Variants in KCNQ1 observed in about 807,000 individuals in gnomAD.
The protein encoded by KCNQ1 is potassium voltage-gated channel subfamily Q member 1, also known as potassium voltage-gated channel subfamily KQT member 1.
Under a neutral mutation model 72.4 loss-of-function variants are expected in KCNQ1, and 49 were observed. The ratio of observed to expected loss-of-function variants is 0.68; its 90% CI spans 0.54 to 0.86. The LOEUF is 0.86. Ranked by LOEUF, KCNQ1 falls within the 40% of genes least tolerant of loss-of-function variation. The probability of loss-of-function intolerance (pLI) is 0.00; values close to 1 mark genes in which losing one functional copy is unlikely to be tolerated. For synonymous variants in KCNQ1, 450 were observed against 412.6 expected (o/e 1.09, Z -1.10); for missense variants, 790 against 945.1 (o/e 0.84, Z 2.15).
chr11:2,470,613 G>A (rs551376126), intron 1 of KCNQ1, among the ~76,000 whole-genome samples: 3 of 151,114 alleles, frequency 2.0e-5, no homozygotes, highest in East Asian at 3.9e-4. Flanking sequence ...GTGATGATAC[G>A]TATCCAACCG....
intron 1 of KCNQ1, among the ~76,000 whole-genome samples, chr11:2,523,661 G>A (rs755383754): frequency 1.3e-5 from 2 of 151,904 alleles, no homozygotes; most frequent in Non-Finnish European, 2.9e-5. Context: ...GGTTATCTCA[G>A]CTTCCACATT....
At chr11:2,636,509 C>T (rs1006927205) in intron 10 of KCNQ1, 8 of 152,276 alleles carry the variant, frequency 5.3e-5, no homozygotes, top group Admixed American at 6.5e-5. Context: ...ATATGTTGAA[C>T]CAGCCTTGCA....
chr11:2,465,030 A>G (rs1846331504), intron 1 of KCNQ1, among the ~76,000 whole-genome samples: 1 of 151,920 alleles, frequency 6.6e-6, no homozygotes, highest in African/African-American at 2.4e-5. Context: ...CCTTTCCCCC[A>G]TCTGTAAAAT....
At chr11:2,797,894 G>A (rs545615431) in intron 15 of KCNQ1, among the ~76,000 whole-genome samples, 19 of 152,260 alleles carry the variant, frequency 1.2e-4, no homozygotes, top group East Asian at 3.9e-4. Flanking sequence ...CCTGCCCTGC[G>A]TACTGTGCCA....
intron 15 of KCNQ1, among the ~76,000 whole-genome samples, chr11:2,795,425 G>A (rs1374806503): frequency 1.3e-5 from 2 of 152,240 alleles, no homozygotes; most frequent in Admixed American, 1.3e-4. Context: ...AAGAGCCTGA[G>A]CTGTGAGCCG....
Position 2,676,306 on chromosome 11 carries a change from A to G in KCNQ1, c.1514+14225A>G. 2.5e-6 allele frequency: 1 copy of G among 398,658 alleles called. No individual in the cohort carries two copies. Among genetic ancestry groups the G allele is most frequent in the Non-Finnish European group, 4.4e-6 (1 of 226,080 alleles). 24.7% of individuals were successfully genotyped at this position (398,658 alleles called of 1,614,324 possible). A position where few individuals can be genotyped will look rare whatever the true frequency, so the allele number is the denominator to read the frequency against. On this transcript the variant is annotated intron_variant, in intron 11 of 15. Transcript: ENST00000155840. This position sits in a 1 kb window ranked among gnomAD's most constrained non-coding sequence, Gnocchi z 4.2. ...CATGTATACAGACACACGTGTGAAC[A>G]GGTGATGGCTCTGAACAGTGTAGTT...
intron 11 of KCNQ1, among the ~76,000 whole-genome samples, chr11:2,719,580 T>C (rs745344041): frequency 4.6e-5 from 7 of 151,952 alleles, no homozygotes; most frequent in Non-Finnish European, 7.4e-5. Context: ...AGTCAGAGAA[T>C]CCTCTCCAGC....
intron 11 of KCNQ1, among the ~76,000 whole-genome samples, chr11:2,738,333 C>T (rs1590061601): frequency 6.6e-6 from 1 of 152,086 alleles, no homozygotes; most frequent in African/African-American, 2.4e-5. Context: ...GCCGGGAGAT[C>T]AAGGAAGGCT....
At chr11:2,795,951 C>A (rs549946838) in intron 15 of KCNQ1, among the ~76,000 whole-genome samples, 24 of 152,270 alleles carry the variant, frequency 1.6e-4, no homozygotes, top group African/African-American at 5.5e-4. Context: ...CAGGTGAGAC[C>A]GGCCTTTGGC....
In KCNQ1 at chr11:2,451,192, T is replaced by C. The variant is rs1303598320; in HGVS notation, c.386+5708T>C. Among the ~76,000 whole-genome samples the C allele has an allele frequency of 6.6e-6, 1 of 152,086 alleles. No individual in the cohort carries two copies. The highest frequency in any genetic ancestry group is 1.5e-5 in the Non-Finnish European group (1 of 68,020). The stretch of plus-strand genomic sequence containing the variant: ...AGAGACCTGTTTTATGGAAGAAAGA[T>C]TTTTCCACCCGGGCAGTGGTGATCT... On this transcript the variant is annotated intron_variant, in intron 1 of 15. Transcript: ENST00000155840. The surrounding 1 kb of genome is among the most constrained non-coding windows in gnomAD (Gnocchi z 6.4).
chr11:2,571,223 G>C lies in KCNQ1; in HGVS notation c.605-102G>C, dbSNP rs1045902719. The C allele has an allele frequency of 3.1e-6, 3 of 976,182 alleles. No individual in the cohort carries two copies. In the African/African-American group the frequency reaches 4.8e-5, roughly 16 times the overall value. The allele number at this position is 976,182 out of a possible 1,614,324, so 60.5% of individuals were successfully genotyped here. A position where few individuals can be genotyped will look rare whatever the true frequency, so the allele number is the denominator to read the frequency against. On this transcript the variant is annotated intron_variant, in intron 3 of 15. Transcript: ENST00000155840. ...CCGGTCATCAGGGCGTGACCCGTCT[G>C]ACCAGCAAGCCCCTTCCCCAGACGA...
chr11:2,726,557 G>T (rs972340502), intron 11 of KCNQ1, among the ~76,000 whole-genome samples: 9 of 152,198 alleles, frequency 5.9e-5, no homozygotes, highest in Admixed American at 5.2e-4. Context: ...ATGTGAGGGA[G>T]GTGGCCAGAA....
Position 2,583,497 on chromosome 11 carries a change from C to T in KCNQ1, c.984C>T (p.Ile328=), listed in dbSNP as rs140019543. ...KVPQTWVGKT[I]ASCFSVFAIS... is the part of the protein sequence containing the mutation. ...CCCAGACGTGGGTCGGGAAGACCAT[C>T]GCCTCCTGCTTCTCTGTCTTTGCCA... Residue 328 remains isoleucine, a synonymous_variant, in exon 7 of 16, where the codon ATC becomes ATT. Transcript: ENST00000155840. 758 of 1,614,002 alleles carry T rather than the reference C, an allele frequency of 4.7e-4. 1 individual carries two copies. The highest frequency in any genetic ancestry group is 6.2e-4 in the Non-Finnish European group (726 of 1,179,930).
rs1849808420 is a variant in KCNQ1 at position 2,654,561 on chromosome 11, A to G, written c.1394-7400A>G. 1.0e-5 allele frequency: 4 copies of G among 398,466 alleles called. No individual in the cohort carries two copies. The East Asian group carries it at 1.1e-4, about 11-fold the overall frequency. The allele number at this position is 398,466 out of a possible 1,614,324, so 24.7% of individuals were successfully genotyped here. On this transcript the variant is annotated intron_variant, in intron 10 of 15. Transcript: ENST00000155840. The surrounding 1 kb of genome is among the most constrained non-coding windows in gnomAD (Gnocchi z 6.4). ...GGTTACACCTGGGAGATTAGGCCGGATTTTAATCAATCAGGAGGGGAAGGG... is the reference window on the plus strand; with the variant it reads ...GGTTACACCTGGGAGATTAGGCCGGGTTTTAATCAATCAGGAGGGGAAGGG...
Position 2,848,131 on chromosome 11 carries a change from A to G in KCNQ1, c.*128A>G. ...GAAGAGCCCCACTCTCAGAGGCCCC[A>G]ATACCCCATGGACCATGCTGTCTGG... On this transcript the variant is annotated 3_prime_UTR_variant, in exon 16 of 16. Coordinates refer to ENST00000155840, the MANE Select transcript of KCNQ1 (RefSeq NM_000218.3). The G allele has an allele frequency of 1.2e-6, 1 of 817,426 alleles. No homozygotes were observed. The highest frequency in any genetic ancestry group is 2.0e-6 in the Non-Finnish European group (1 of 492,864). 50.6% of individuals were successfully genotyped at this position (817,426 alleles called of 1,614,324 possible). A position where few individuals can be genotyped will look rare whatever the true frequency, so the allele number is the denominator to read the frequency against.
At chr11:2,667,501 A>G (rs1454956276) in intron 11 of KCNQ1, 2 of 357,294 alleles carry the variant, frequency 5.6e-6, no homozygotes, top group African/African-American at 4.4e-5. Context: ...TTCACGCCAC[A>G]GAGGTGGCTG....
At position 2,678,201 on chromosome 11, in the gene KCNQ1, A is replaced by G. The variant is rs1850326656; in HGVS notation, c.1514+16120A>G. Reference sequence around the variant, plus strand: ...GGTGGCAGAATTTTTTTAATTTCACATAGTCAGCTGTGTCAGTCTTTTATG... The same window carrying G: ...GGTGGCAGAATTTTTTTAATTTCACGTAGTCAGCTGTGTCAGTCTTTTATG... On this transcript the variant is annotated intron_variant, in intron 11 of 15. Coordinates refer to ENST00000155840, the MANE Select transcript of KCNQ1 (RefSeq NM_000218.3). This position sits in a 1 kb window ranked among gnomAD's most constrained non-coding sequence, Gnocchi z 4.9. 1 of 398,232 alleles carries G rather than the reference A, an allele frequency of 2.5e-6. No homozygotes were observed. The highest frequency in any genetic ancestry group is 1.3e-4 in the South Asian group (1 of 7,856). The allele number at this position is 398,232 out of a possible 1,614,324, so 24.7% of individuals were successfully genotyped here.
intron 10 of KCNQ1, chr11:2,655,167 T>C (rs1202751839): frequency 5.0e-6 from 2 of 398,592 alleles, no homozygotes; most frequent in Non-Finnish European, 8.8e-6. Context: ...TTGATTCCTG[T>C]TCTCTTGAGA....
Position 2,627,139 on chromosome 11 carries a change from T to A in KCNQ1, c.1394-34822T>A. On this transcript the variant is annotated intron_variant, in intron 10 of 15. Transcript: ENST00000155840. The surrounding 1 kb of genome is among the most constrained non-coding windows in gnomAD (Gnocchi z 4.9). ...TCATTGTACAAGACTTTCACCTCCT[T>A]GGTAAAGTTGGTTCCTAAGTTTGTT... 2 of 398,572 alleles carry A rather than the reference T, an allele frequency of 5.0e-6. No individual in the cohort carries two copies. The allele number at this position is 398,572 out of a possible 1,614,324, so 24.7% of individuals were successfully genotyped here.
Sources: allele counts gnomAD v4.1 joint callset (sites outside exome capture counted in the v4.1 genomes callset), GRCh38; gene constraint gnomAD v4.1.1; non-coding constraint Gnocchi (gnomAD v3.1); transcripts MANE v1.5; gene names NCBI Gene and HGNC (gene_info 2026-07-23, HGNC 2026-07-21).